The following SDK1 variants were observed in gnomAD, a reference collection of about 807,000 sequenced individuals.
The protein encoded by SDK1 is protein sidekick-1.
SDK1 carries 157 observed loss-of-function variants against 245.5 expected under a neutral mutation model. The observed-to-expected ratio is 0.64, with a 90% CI of 0.56 to 0.73. The LOEUF (loss-of-function observed/expected upper bound fraction) is 0.73. SDK1 is among the 30% of genes least tolerant of loss of function. The pLI, the probability that SDK1 is intolerant of heterozygous loss-of-function variation, is 0.00. For missense variants in SDK1, 3,583 were observed against 3,002.3 expected, an observed-to-expected ratio of 1.19 and a Z score of -4.52; for synonymous variants, 1,647 against 1,278.5, an observed-to-expected ratio of 1.29 and a Z score of -6.15.
intron 2 of SDK1, among the ~76,000 whole-genome samples, chr7:3,637,131 T>G (rs1782484721): frequency 6.6e-6 from 1 of 152,090 alleles, no homozygotes; most frequent in African/African-American, 2.4e-5. Context: ...AGTGTCTTGC[T>G]CTGTCACCCA....
chr7:3,464,286 G>A (rs2128595939), intron 1 of SDK1, among the ~76,000 whole-genome samples: 1 of 152,254 alleles, frequency 6.6e-6, no homozygotes. Flanking sequence ...CACTTTCGGA[G>A]GCCAAGGCGG....
chr7:4,208,404 T>G, intron 37 of SDK1, 119 bp downstream of exon 37: 1 of 875,856 alleles, frequency 1.1e-6, no homozygotes, highest in East Asian at 2.7e-5. Context: ...CAACACCTTT[T>G]GAGTAGCTGG....
At chr7:3,509,829 G>T (rs556656846) in intron 1 of SDK1, among the ~76,000 whole-genome samples, 1 of 152,196 alleles carries the variant, frequency 6.6e-6, no homozygotes, top group Non-Finnish European at 1.5e-5. Flanking sequence ...AGTACTTAGA[G>T]TCTAAATTAT....
Position 4,221,345 on chromosome 7 carries a change from G to A in SDK1, c.5808G>A (p.Val1936=), listed in dbSNP as rs368496975. The change falls in exon 40 of 45, where the codon GTG becomes GTA. Residue 1936 remains valine (V), a synonymous_variant. Transcript: ENST00000404826. ...HSGDTPTTGY[V]IEARPSDEGL... ...GCGACACACCTACCACGGGCTATGT[G>A]ATCGAGGCCCGGCCCTCAGGTAGGG... The A allele has an allele frequency of 1.2e-6, 2 of 1,610,764 alleles. No individual in the cohort carries two copies. Among genetic ancestry groups the A allele is most frequent in the Non-Finnish European group, 1.7e-6 (2 of 1,178,764 alleles).
intron 1 of SDK1, among the ~76,000 whole-genome samples, chr7:3,520,722 T>C (rs551638456): frequency 3.3e-5 from 5 of 152,190 alleles, no homozygotes; most frequent in Non-Finnish European, 7.3e-5. Context: ...CAAGAGGGTA[T>C]GTCGATACTT....
intron 14 of SDK1, among the ~76,000 whole-genome samples, chr7:3,988,831 G>T (rs1784069667): frequency 1.3e-5 from 2 of 152,168 alleles, no homozygotes; most frequent in South Asian, 4.1e-4. Flanking sequence ...GAGTGCAGTG[G>T]CATGATCTCG....
chr7:4,134,794 G>A (rs638530), intron 28 of SDK1: 19,087 of 152,414 alleles, frequency 0.13, 1,293 homozygotes, highest in South Asian at 0.14. Context: ...GCGTGGGAGC[G>A]GTGCAGGAGC....
At chr7:4,141,858 G>A (rs2128205202) in intron 28 of SDK1, among the ~76,000 whole-genome samples, 2 of 152,284 alleles carry the variant, frequency 1.3e-5, no homozygotes, top group South Asian at 4.1e-4. Context: ...CCGGGTTCAA[G>A]TGATTCTCCT....
chr7:3,526,648 A>C (rs1379116680), intron 1 of SDK1, among the ~76,000 whole-genome samples: 2 of 152,096 alleles, frequency 1.3e-5, no homozygotes, highest in African/African-American at 4.8e-5. Flanking sequence ...TTTCACCATC[A>C]TGATTGTTTC....
chr7:3,756,015 CCTTTCACATGGCATAGCACAT>C (rs1779917630), intron 4 of SDK1, among the ~76,000 whole-genome samples: 1 of 151,206 alleles, frequency 6.6e-6, no homozygotes, highest in African/African-American at 2.4e-5. Flanking sequence ...GACCCTGACT[CCTTTCACATGGCATAGCACAT>C]GTGACATATG....
At chr7:3,531,641 A>C (rs147033648) in intron 1 of SDK1, among the ~76,000 whole-genome samples, 4 of 152,120 alleles carry the variant, frequency 2.6e-5, no homozygotes, top group Non-Finnish European at 5.9e-5. Context: ...CAGCCATACT[A>C]TTTTCTCCCA....
intron 1 of SDK1, among the ~76,000 whole-genome samples, chr7:3,552,947 G>C (rs933097991): frequency 6.6e-6 from 1 of 152,122 alleles, no homozygotes; most frequent in African/African-American, 2.4e-5. Flanking sequence ...ACAGTTATAA[G>C]TTGTATATTT....
chr7:3,630,129 GT>G lies in SDK1; in HGVS notation c.459-8873del, dbSNP rs556481422. On this transcript the variant is annotated intron_variant, in intron 2 of 44. Coordinates refer to ENST00000404826, the MANE Select transcript of SDK1 (RefSeq NM_152744.4). ...AACATAATGAAAAGGGCACAAATGAGTTGTGGGAAAGCTTCAGATGGCCTAA... is the reference window on the plus strand; with the variant it reads ...AACATAATGAAAAGGGCACAAATGAGTGTGGGAAAGCTTCAGATGGCCTAA... 5.5e-3 allele frequency among the ~76,000 whole-genome samples: 839 copies of G among 152,254 alleles called. 9 individuals are homozygous for G. The highest frequency in any genetic ancestry group is 0.018 in the African/African-American group (758 of 41,540).
chr7:3,777,030 C>A (rs763332846), intron 4 of SDK1, among the ~76,000 whole-genome samples: 1 of 152,180 alleles, frequency 6.6e-6, no homozygotes, highest in African/African-American at 2.4e-5. Flanking sequence ...GCCTCAGATA[C>A]CTGCTTCCTC....
At chr7:3,323,270 C>T (rs529587606) in intron 1 of SDK1, among the ~76,000 whole-genome samples, 6 of 152,244 alleles carry the variant, frequency 3.9e-5, no homozygotes, top group East Asian at 1.9e-4. Flanking sequence ...TCCCTGCATC[C>T]GGCACAGTAC....
At chr7:4,255,314 T>C (rs767249171) in intron 44 of SDK1, among the ~76,000 whole-genome samples, 3 of 152,220 alleles carry the variant, frequency 2.0e-5, no homozygotes, top group Non-Finnish European at 2.9e-5. Context: ...CTGGAAGCTC[T>C]CTGTTCTTAC....
Position 3,455,795 on chromosome 7 carries a change from T to G in SDK1, c.298+153911T>G, listed in dbSNP as rs570545941. On this transcript the variant is annotated intron_variant, in intron 1 of 44. Transcript: ENST00000404826. Reference sequence around the variant, plus strand: ...TTTTCATATAAATTTTTAAATAGTCTTATCTGTGTCTGTAAAAAAACTTTG... The same window carrying G: ...TTTTCATATAAATTTTTAAATAGTCGTATCTGTGTCTGTAAAAAAACTTTG... 6.6e-5 allele frequency among the ~76,000 whole-genome samples: 10 copies of G among 152,358 alleles called. No individual in the cohort carries two copies. In the South Asian group the frequency reaches 2.1e-3, roughly 32 times the overall value.
chr7:3,445,854 C>A lies in SDK1; in HGVS notation c.298+143970C>A, dbSNP rs1290827188. On this transcript the variant is annotated intron_variant, in intron 1 of 44. Coordinates refer to ENST00000404826, the MANE Select transcript of SDK1 (RefSeq NM_152744.4). ...CATATTTTTGCTTATGTTTTTTCTT[C>A]CTTCCTTTCCTTCCTGATGTTCTAA... Among the ~76,000 whole-genome samples, 3 of 151,748 alleles carry A rather than the reference C, an allele frequency of 2.0e-5. 1 individual carries two copies. The highest frequency in any genetic ancestry group is 6.6e-5 in the Admixed American group (1 of 15,224).
chr7:3,555,421 A>G (rs1779557545), intron 1 of SDK1, among the ~76,000 whole-genome samples: 1 of 152,232 alleles, frequency 6.6e-6, no homozygotes, highest in Admixed American at 6.5e-5. Context: ...CATCACATAC[A>G]AAAATCAAAA....
Sources: allele counts gnomAD v4.1 joint callset (sites outside exome capture counted in the v4.1 genomes callset), GRCh38; gene constraint gnomAD v4.1.1; transcripts MANE v1.5; gene names NCBI Gene and HGNC (gene_info 2026-07-23, HGNC 2026-07-21).